Variants in DENND5A observed in about 807,000 individuals in gnomAD.
The protein encoded by DENND5A is DENN domain-containing protein 5A.
A neutral mutation model predicts 140.3 loss-of-function variants in DENND5A; 64 were observed. That is an observed-to-expected ratio of 0.46 (90% CI 0.37 to 0.56). The LOEUF (loss-of-function observed/expected upper bound fraction) is 0.56. Among genes scored for constraint, DENND5A ranks in the 20% least tolerant of loss-of-function variants. The pLI, the probability that DENND5A is intolerant of heterozygous loss-of-function variation, is 0.00. For missense variants in DENND5A, 1,292 were observed against 1,593.8 expected (o/e 0.81, Z 3.22); for synonymous variants, 605 against 607.7 (o/e 1.00, Z 0.07).
intron 22 of DENND5A, 116 bp downstream of exon 22, chr11:9,141,824 G>T: frequency 1.1e-6 from 1 of 928,382 alleles, no homozygotes; most frequent in Non-Finnish European, 1.5e-6. Context: ...ACCTTCTAAG[G>T]CCTCATCTCC....
At chr11:9,193,000 G>A (rs1849191169) in intron 5 of DENND5A, among the ~76,000 whole-genome samples, 1 of 152,198 alleles carries the variant, frequency 6.6e-6, no homozygotes, top group Admixed American at 6.5e-5. Flanking sequence ...CAAGGCAGGA[G>A]GATTACTTGA....
chr11:9,155,767 T>C (rs780245576), intron 12 of DENND5A, among the ~76,000 whole-genome samples: 1 of 152,204 alleles, frequency 6.6e-6, no homozygotes, highest in African/African-American at 2.4e-5. Context: ...CTCTATCTGA[T>C]AGAAAAACAT....
intron 15 of DENND5A, among the ~76,000 whole-genome samples, chr11:9,149,496 A>C (rs1456334442): frequency 6.6e-6 from 1 of 152,178 alleles, no homozygotes; most frequent in East Asian, 1.9e-4. Flanking sequence ...TATTCTAACA[A>C]ATGTTATGCA....
chr11:9,161,078 T>C (rs901463185), intron 11 of DENND5A, among the ~76,000 whole-genome samples: 7 of 152,174 alleles, frequency 4.6e-5, no homozygotes, highest in Non-Finnish European at 1.5e-5. Context: ...CCAGGTGTGG[T>C]AGCTCACACC....
chr11:9,166,313 G>C (rs1288254012), intron 10 of DENND5A, among the ~76,000 whole-genome samples: 1 of 151,998 alleles, frequency 6.6e-6, no homozygotes, highest in East Asian at 1.9e-4. Flanking sequence ...TCCTGACCTG[G>C]TGATCCATCT....
chr11:9,140,844 T>C (rs748514001), intron 22 of DENND5A, among the ~76,000 whole-genome samples: 13 of 152,182 alleles, frequency 8.5e-5, no homozygotes, highest in Non-Finnish European at 1.3e-4. Flanking sequence ...TTCTAAATGT[T>C]GGCCAGGCAT....
intron 12 of DENND5A, among the ~76,000 whole-genome samples, chr11:9,158,304 G>T (rs181344313): frequency 7.4e-4 from 113 of 152,190 alleles, no homozygotes; most frequent in Non-Finnish European, 9.1e-4. Context: ...CAGCAGTTTG[G>T]GGGGCTGAGG....
chr11:9,216,692 G>T (rs1452989261), intron 1 of DENND5A, among the ~76,000 whole-genome samples: 1 of 152,136 alleles, frequency 6.6e-6, no homozygotes, highest in Non-Finnish European at 1.5e-5. Context: ...ATGGCTTGAG[G>T]CCAGGAGCTC....
chr11:9,245,990 G>A (rs539129372), intron 1 of DENND5A, among the ~76,000 whole-genome samples: 48 of 152,194 alleles, frequency 3.2e-4, no homozygotes, highest in African/African-American at 1.1e-3. Context: ...CATAAAGTAC[G>A]TTTTTCTACC....
In DENND5A at chr11:9,164,056, GTTTTTTTTTTTTTT is replaced by G. The variant is rs768604681; in HGVS notation, c.2283+1766_2283+1779del. On this transcript the variant is annotated intron_variant, in intron 11 of 22. Coordinates refer to ENST00000328194, the MANE Select transcript of DENND5A (RefSeq NM_015213.4). ...ATATCAGTACTGATATATTAATCAG[GTTTTTTTTTTTTTT>G]TTTTTTTTTTTTTTTTTTTGAGAGA... Among the ~76,000 whole-genome samples the G allele has an allele frequency of 1.3e-3, 73 of 57,978 alleles. 1 individual carries two copies. The highest frequency in any genetic ancestry group is 0.013 in the Middle Eastern group (1 of 76). The allele number at this position is 57,978 out of a possible 152,430, so 38.0% of individuals were successfully genotyped here.
chr11:9,178,163 C>A lies in DENND5A; in HGVS notation c.1875G>T (p.Met625Ile). 1 of 1,614,032 alleles carries A rather than the reference C, an allele frequency of 6.2e-7. No individual in the cohort carries two copies. Among genetic ancestry groups the A allele is most frequent in the Non-Finnish European group, 8.5e-7 (1 of 1,179,872 alleles). The change falls in exon 8 of 23, where the codon ATG becomes ATT. Residue 625 changes from methionine to isoleucine, a missense_variant. By Grantham distance (10) the Met-to-Ile change is conservative (BLOSUM62 1). Around this residue, in one of 4 missense-constraint regions of DENND5A, gnomAD observed 199 missense variants for 189.1 expected, o/e 1.05. Transcript: ENST00000328194. ...NVRTPTLRTS[M>I]YQKCTTVDEA... is the part of the protein sequence containing the mutation. ...CATCCACAGTGGTACACTTCTGGTA[C>A]ATGGATGTACGGAGAGTAGGTGTCC... is the stretch of plus-strand genomic sequence containing the variant.
At chr11:9,262,339 C>T (rs1488320953) in intron 1 of DENND5A, among the ~76,000 whole-genome samples, 2 of 152,162 alleles carry the variant, frequency 1.3e-5, no homozygotes, top group Non-Finnish European at 2.9e-5. Context: ...TCTTCTCAAA[C>T]CAAGTGTTCA....
At chr11:9,252,903 G>A (rs575200416) in intron 1 of DENND5A, among the ~76,000 whole-genome samples, 8 of 150,678 alleles carry the variant, frequency 5.3e-5, no homozygotes, top group Admixed American at 4.6e-4. Context: ...AGGCTGGAGT[G>A]CAGTGGCACA....
rs1590243062 is a variant in DENND5A at position 9,182,567 on chromosome 11, A to C, written c.1138-1483T>G. Reference sequence around the variant, plus strand: ...ATACTTTGTAGTTTAACAATGGTATACTATTCCACCATAAAAATGAATGAA... The same window carrying C: ...ATACTTTGTAGTTTAACAATGGTATCCTATTCCACCATAAAAATGAATGAA... On this transcript the variant is annotated intron_variant, in intron 5 of 22. Transcript: ENST00000328194. 2.6e-5 allele frequency among the ~76,000 whole-genome samples: 4 copies of C among 152,344 alleles called. No homozygotes were observed. The South Asian group carries it at 8.3e-4, about 32-fold the overall frequency.
At chr11:9,188,490 G>A (rs1329941958) in intron 5 of DENND5A, among the ~76,000 whole-genome samples, 3 of 152,214 alleles carry the variant, frequency 2.0e-5, no homozygotes, top group Admixed American at 6.5e-5. Context: ...ACAGTTTGGA[G>A]GGATCAGGAG....
At chr11:9,163,570 G>A (rs1037913973) in intron 11 of DENND5A, among the ~76,000 whole-genome samples, 2 of 152,002 alleles carry the variant, frequency 1.3e-5, no homozygotes, top group Non-Finnish European at 2.9e-5. Flanking sequence ...TTTGGAGGCC[G>A]AGGCAGACAG....
intron 10 of DENND5A, among the ~76,000 whole-genome samples, chr11:9,168,269 G>A (rs373341488): frequency 2.6e-5 from 4 of 152,054 alleles, no homozygotes; most frequent in South Asian, 2.1e-4. Flanking sequence ...AGCTGTTCTC[G>A]TGATAGTGCA....
intron 9 of DENND5A, among the ~76,000 whole-genome samples, 167 bp from the exon 10 acceptor site, chr11:9,170,116 T>A (rs1181825288): frequency 6.6e-6 from 1 of 152,198 alleles, no homozygotes; most frequent in Non-Finnish European, 1.5e-5. Flanking sequence ...AGATTAAAGA[T>A]GAGTGACTGG....
intron 1 of DENND5A, among the ~76,000 whole-genome samples, chr11:9,256,736 G>C (rs145060866): frequency 1.3e-5 from 2 of 152,314 alleles, no homozygotes; most frequent in African/African-American, 4.8e-5. Context: ...TTCAGGGTTA[G>C]AGGGTTGGGA....
Sources: allele counts gnomAD v4.1 joint callset (sites outside exome capture counted in the v4.1 genomes callset), GRCh38; gene constraint gnomAD v4.1.1; regional missense constraint gnomAD v4.1.1; transcripts MANE v1.5; gene names NCBI Gene and HGNC (gene_info 2026-07-23, HGNC 2026-07-21).